PDIA6: variants seen among roughly 807,000 people sequenced by gnomAD.
PDIA6 encodes protein disulfide isomerase family A member 6, also known as protein disulfide-isomerase A6.
PDIA6 carries 29 observed loss-of-function variants against 58.4 expected under a neutral mutation model. The observed-to-expected ratio is 0.50, with a 90% CI of 0.37 to 0.68. The LOEUF (loss-of-function observed/expected upper bound fraction) is 0.68, where lower values mean the gene tolerates loss of function less well. Among genes scored for constraint, PDIA6 ranks in the 30% least tolerant of loss-of-function variants. The pLI, the probability that PDIA6 is intolerant of heterozygous loss-of-function variation, is 0.00. For synonymous variants in PDIA6, 192 were observed against 202.6 expected, an observed-to-expected ratio of 0.95 and a Z score of 0.44; for missense variants, 480 against 551.0, an observed-to-expected ratio of 0.87 and a Z score of 1.29.
At position 10,801,262 on chromosome 2, in the gene PDIA6, T is replaced by G. The variant is rs115204141; in HGVS notation, c.161+1237A>C. The stretch of plus-strand genomic sequence containing the variant: ...TGCTGCACTCTAGCCTGGGAGAAAG[T>G]GAGACCCTGTCTCTCAAAAAAAGCG... On this transcript the variant is annotated intron_variant, in intron 2 of 12. Coordinates refer to ENST00000272227, the MANE Select transcript of PDIA6 (RefSeq NM_005742.4). 5.8e-3 allele frequency among the ~76,000 whole-genome samples: 888 copies of G among 152,222 alleles called. 11 individuals carry two copies. Among genetic ancestry groups the G allele is most frequent in the African/African-American group, 0.019 (777 of 41,526 alleles).
At chr2:10,818,146 A>G (rs906031936) in intron 2 of PDIA6, among the ~76,000 whole-genome samples, 1 of 151,992 alleles carries the variant, frequency 6.6e-6, no homozygotes, top group Non-Finnish European at 1.5e-5. Flanking sequence ...CATAACATAA[A>G]ATAAAATTTA....
chr2:10,836,776 C>T (rs980214453), upstream of PDIA6, among the ~76,000 whole-genome samples: 12 of 151,880 alleles, frequency 7.9e-5, no homozygotes, highest in African/African-American at 2.7e-4. Flanking sequence ...TTCATTGCCG[C>T]TTGTGTTCTA....
upstream of PDIA6, among the ~76,000 whole-genome samples, chr2:10,835,304 C>T (rs1432501750): frequency 2.0e-5 from 3 of 152,110 alleles, no homozygotes; most frequent in African/African-American, 4.8e-5. Flanking sequence ...GGCTGGCAGG[C>T]GGGTGAGGTG....
intron 10 of PDIA6, among the ~76,000 whole-genome samples, chr2:10,787,793 G>A (rs778139983): frequency 2.0e-5 from 3 of 152,138 alleles, no homozygotes; most frequent in Non-Finnish European, 2.9e-5. Context: ...GGCTGGGCAC[G>A]GTGGCTCACG....
At chr2:10,835,756 A>G (rs143925777), upstream of PDIA6, among the ~76,000 whole-genome samples, 42 of 152,206 alleles carry the variant, frequency 2.8e-4, no homozygotes, top group East Asian at 2.1e-3. Flanking sequence ...TGAAATCACA[A>G]TACTTAGAGA....
rs117625104 is a variant in PDIA6 at position 10,800,354 on chromosome 2, C to T, written c.161+2145G>A. Among the ~76,000 whole-genome samples the T allele has an allele frequency of 2.0e-4, 31 of 152,278 alleles. 1 individual carries two copies. The East Asian group carries it at 5.2e-3, about 26-fold the overall frequency. On this transcript the variant is annotated intron_variant, in intron 2 of 12. Transcript: ENST00000272227. ...TTTGTATTCTCAGATTACGGATGCT[C>T]TACAGCTAAGTATTATGCAAATCTT...
At chr2:10,790,309 T>A (rs2969883) in intron 7 of PDIA6, among the ~76,000 whole-genome samples, 4 of 151,978 alleles carry the variant, frequency 2.6e-5, no homozygotes, top group South Asian at 2.1e-4. Context: ...TTCTCCAGAC[T>A]GCACAGATTT....
intron 2 of PDIA6, among the ~76,000 whole-genome samples, chr2:10,818,604 C>T (rs768309015): frequency 1.5e-4 from 13 of 87,790 alleles, no homozygotes; most frequent in African/African-American, 4.0e-4. Flanking sequence ...TCACTACAAC[C>T]TCTGCCTCTG....
chr2:10,828,223 G>T (rs1572709191), intron 1 of PDIA6, among the ~76,000 whole-genome samples: 1 of 152,196 alleles, frequency 6.6e-6, no homozygotes, highest in Non-Finnish European at 1.5e-5. Context: ...AGACACAGTA[G>T]TTTCACTGTC....
intron 2 of PDIA6, among the ~76,000 whole-genome samples, chr2:10,799,026 G>A (rs918263639): frequency 7.5e-6 from 1 of 133,086 alleles, no homozygotes; most frequent in Non-Finnish European, 1.7e-5. Flanking sequence ...GGGGAGGCAG[G>A]GAAAGCGGAA....
upstream of PDIA6, among the ~76,000 whole-genome samples, chr2:10,836,871 C>A (rs554708566): frequency 2.8e-4 from 43 of 152,160 alleles, no homozygotes; most frequent in Admixed American, 1.8e-3. Flanking sequence ...GTTATGGGGA[C>A]TCCTTGGGGT....
intron 2 of PDIA6, among the ~76,000 whole-genome samples, chr2:10,798,648 C>T (rs1572669225): frequency 6.6e-6 from 1 of 152,100 alleles, no homozygotes; most frequent in East Asian, 1.9e-4. Context: ...CAACTCTACA[C>T]CCTCAACAAG....
chr2:10,820,915 C>A (rs908101228), intron 1 of PDIA6: 8 of 701,272 alleles, frequency 1.1e-5, no homozygotes, highest in Non-Finnish European at 2.1e-5. Context: ...TGAGAGTGAG[C>A]GTCCTAAGAG....
At chr2:10,807,810 C>T (rs1666825601) in intron 1 of PDIA6, among the ~76,000 whole-genome samples, 1 of 152,216 alleles carries the variant, frequency 6.6e-6, no homozygotes, top group Non-Finnish European at 1.5e-5. Context: ...TTTTTCAAAT[C>T]ACTATCAAAT....
At chr2:10,811,360 ACT>A (rs1666991097) in intron 1 of PDIA6, among the ~76,000 whole-genome samples, 2 of 152,018 alleles carry the variant, frequency 1.3e-5, no homozygotes, top group Non-Finnish European at 2.9e-5. Context: ...TGAGACCCTG[ACT>A]CTACAAAAAA....
At chr2:10,809,655 A>AAC in intron 1 of PDIA6, among the ~76,000 whole-genome samples, 1 of 149,420 alleles carries the variant, frequency 6.7e-6, no homozygotes, top group Non-Finnish European at 1.5e-5. Context: ...CAAAAAAAAA[A>AAC]AAAAAAAAAA....
intron 1 of PDIA6, chr2:10,820,737 G>A (rs752461945): frequency 1.4e-5 from 10 of 702,688 alleles, no homozygotes; most frequent in South Asian, 3.0e-5. Flanking sequence ...AGCTGGGGTG[G>A]CCCGAAGCCA....
intron 2 of PDIA6, among the ~76,000 whole-genome samples, chr2:10,801,139 C>T (rs1734356): frequency 0.49 from 73,296 of 150,754 alleles, 19,320 homozygotes; most frequent in South Asian, 0.58. Context: ...ATTAGCAGGG[C>T]GTGGTGGTAC....
chr2:10,820,082 T>A (rs1407054564), intron 1 of PDIA6, among the ~76,000 whole-genome samples: 1 of 152,180 alleles, frequency 6.6e-6, no homozygotes, highest in Non-Finnish European at 1.5e-5. Context: ...AGTGGCCTCA[T>A]TGTCTGGGGT....
Sources: gnomAD v4.1 joint callset for allele counts (sites outside exome capture counted in the v4.1 genomes callset) on GRCh38, gnomAD v4.1.1 for gene constraint, MANE v1.5 for transcripts, NCBI Gene and HGNC (gene_info 2026-07-23, HGNC 2026-07-21) for gene names.